The following STMN4 variants were observed in gnomAD, a reference collection of about 807,000 sequenced individuals.
The protein encoded by STMN4 is stathmin 4.
Under a neutral mutation model 29.1 loss-of-function variants are expected in STMN4, and 12 were observed. The observed-to-expected ratio is 0.41, with a 90% CI of 0.26 to 0.67. The LOEUF is 0.67. STMN4 is among the 30% of genes least tolerant of loss of function. The pLI, the probability that STMN4 is intolerant of heterozygous loss-of-function variation, is 0.30. For missense variants in STMN4, 181 were observed against 262.8 expected (o/e 0.69, Z 2.15); for synonymous variants, 114 against 105.3 (o/e 1.08, Z -0.51).
intron 5 of STMN4, among the ~76,000 whole-genome samples, chr8:27,240,515 A>C (rs1395842851): frequency 6.6e-6 from 1 of 152,200 alleles, no homozygotes; most frequent in Non-Finnish European, 1.5e-5. Context: ...ACATATATAC[A>C]TCACTAAAAT....
intron 1 of STMN4, among the ~76,000 whole-genome samples, chr8:27,245,284 C>T (rs1296354316): frequency 6.6e-6 from 1 of 152,224 alleles, no homozygotes; most frequent in South Asian, 2.1e-4. Flanking sequence ...GTGCCACATG[C>T]CTGCTTCAGA....
chr8:27,239,864 G>C, intron 6 of STMN4, 107 bp downstream of exon 6: 2 of 1,580,058 alleles, frequency 1.3e-6, no homozygotes, highest in East Asian at 2.3e-5. Context: ...CCTGATTTTT[G>C]CCTGAGGCTG....
In STMN4 at chr8:27,241,875, C is replaced by A. The variant is rs1260702059; in HGVS notation, c.110-118G>T. On this transcript the variant is annotated intron_variant, in intron 3 of 6. Coordinates refer to ENST00000350889, the MANE Select transcript of STMN4 (RefSeq NM_030795.4). The stretch of plus-strand genomic sequence containing the variant: ...TAGGAGGTGACCTGGTCCCCGAGCA[C>A]CCCTGGTGAGGACGTGGCCACCCAG... 2.4e-6 allele frequency: 3 copies of A among 1,248,304 alleles called. No individual in the cohort carries two copies. In the East Asian group the frequency reaches 7.0e-5, roughly 29 times the overall value. 77.3% of individuals were successfully genotyped at this position (1,248,304 alleles called of 1,614,324 possible).
chr8:27,239,945 C>A (rs375087560), intron 6 of STMN4, 26 bp downstream of exon 6: 2 of 1,614,226 alleles, frequency 1.2e-6, no homozygotes, highest in African/African-American at 2.7e-5. Flanking sequence ...TCCCAGGAAA[C>A]TCCTCTCTAG....
intron 5 of STMN4, 151 bp downstream of exon 5, chr8:27,240,903 G>T: frequency 1.3e-6 from 1 of 758,206 alleles, no homozygotes; most frequent in Non-Finnish European, 2.1e-6. Context: ...TCCCTCAATG[G>T]TGTCTCATTC....
chr8:27,236,635 C>T lies in STMN4; in HGVS notation c.*211G>A. 2.2e-6 allele frequency: 1 copy of T among 447,706 alleles called. No individual in the cohort carries two copies. Among genetic ancestry groups the T allele is most frequent in the Non-Finnish European group, 3.9e-6 (1 of 255,584 alleles). The allele number at this position is 447,706 out of a possible 1,614,324, so 27.7% of individuals were successfully genotyped here. On this transcript the variant is annotated 3_prime_UTR_variant, in exon 7 of 7. Coordinates refer to ENST00000350889, the MANE Select transcript of STMN4 (RefSeq NM_030795.4). ...CCAAACTCTCTCCTCTCCCCTCTCC[C>T]ACCCCGTCATTGTTCCCCGGAAACA...
intron 1 of STMN4, among the ~76,000 whole-genome samples, chr8:27,257,269 T>C (rs1450837272): frequency 1.3e-5 from 2 of 152,058 alleles, no homozygotes; most frequent in African/African-American, 4.8e-5. Flanking sequence ...AGGCGGGGGC[T>C]CAGCCTCAGG....
At chr8:27,253,038 T>C (rs1447154602) in intron 1 of STMN4, among the ~76,000 whole-genome samples, 1 of 152,190 alleles carries the variant, frequency 6.6e-6, no homozygotes, top group Non-Finnish European at 1.5e-5. Flanking sequence ...CTTGTAGAAA[T>C]TCCCAGAGGT....
intron 1 of STMN4, among the ~76,000 whole-genome samples, chr8:27,247,271 AAAG>A (rs1246508461): frequency 6.6e-6 from 1 of 151,766 alleles, no homozygotes; most frequent in Admixed American, 6.6e-5. Flanking sequence ...AAAAAAAAAA[AAAG>A]ATGATCTATT....
chr8:27,250,433 G>T (rs1801749718), intron 1 of STMN4, among the ~76,000 whole-genome samples: 1 of 152,204 alleles, frequency 6.6e-6, no homozygotes, highest in African/African-American at 2.4e-5. Context: ...GTTTTTGTTG[G>T]TGGAAAAGTA....
chr8:27,241,571 T>G, intron 4 of STMN4, 106 bp downstream of exon 4: 3 of 1,356,640 alleles, frequency 2.2e-6, no homozygotes, highest in Non-Finnish European at 3.1e-6. Flanking sequence ...CTGCTCAATT[T>G]GTCGTCCGTG....
At chr8:27,249,429 G>T (rs961758495) in intron 1 of STMN4, among the ~76,000 whole-genome samples, 8 of 152,166 alleles carry the variant, frequency 5.3e-5, no homozygotes, top group African/African-American at 1.9e-4. Context: ...GAGTCTAAAT[G>T]TCTTGCATTG....
intron 6 of STMN4, among the ~76,000 whole-genome samples, 188 bp from the exon 7 acceptor site, chr8:27,237,093 T>A (rs934881331): frequency 6.6e-6 from 1 of 152,176 alleles, no homozygotes; most frequent in African/African-American, 2.4e-5. Flanking sequence ...GGGGCAAGCC[T>A]ACTGGTGCTG....
At chr8:27,240,417 A>C (rs1801435733) in intron 5 of STMN4, among the ~76,000 whole-genome samples, 1 of 151,992 alleles carries the variant, frequency 6.6e-6, no homozygotes, top group African/African-American at 2.4e-5. Context: ...TCATTCATTC[A>C]TTCATTCACA....
At chr8:27,246,421 A>G (rs1801625440) in intron 1 of STMN4, among the ~76,000 whole-genome samples, 1 of 152,222 alleles carries the variant, frequency 6.6e-6, no homozygotes, top group Non-Finnish European at 1.5e-5. Context: ...AGGAATTACT[A>G]TCCCCATTTT....
intron 6 of STMN4, among the ~76,000 whole-genome samples, chr8:27,237,254 G>C (rs769224028): frequency 3.5e-4 from 53 of 152,146 alleles, no homozygotes; most frequent in Non-Finnish European, 6.9e-4. Flanking sequence ...GGAGCTGCTG[G>C]GGGTAATTTG....
chr8:27,250,508 G>A (rs1048700507), intron 1 of STMN4, among the ~76,000 whole-genome samples: 5 of 152,162 alleles, frequency 3.3e-5, no homozygotes, highest in African/African-American at 9.7e-5. Context: ...GATGCTCTGC[G>A]GGCCTCAGCA....
At chr8:27,238,088 A>G (rs146377381) in intron 6 of STMN4, among the ~76,000 whole-genome samples, 92 of 152,302 alleles carry the variant, frequency 6.0e-4, no homozygotes, top group Non-Finnish European at 1.1e-3. Flanking sequence ...GTGGCCTAGG[A>G]GTGAGGAGTG....
intron 1 of STMN4, among the ~76,000 whole-genome samples, chr8:27,253,013 G>A (rs1801836693): frequency 6.6e-6 from 1 of 152,188 alleles, no homozygotes; most frequent in South Asian, 2.1e-4. Context: ...TATCAGCAGA[G>A]GACAACCAAT....
Sources: gnomAD v4.1 joint callset for allele counts (sites outside exome capture counted in the v4.1 genomes callset) on GRCh38, gnomAD v4.1.1 for gene constraint, MANE v1.5 for transcripts, NCBI Gene and HGNC (gene_info 2026-07-23, HGNC 2026-07-21) for gene names.